CHST9: variants seen among roughly 807,000 people sequenced by gnomAD.
CHST9 encodes the protein carbohydrate sulfotransferase 9, also known as GalNAc-4-sulfotransferase 2.
In CHST9, 41 loss-of-function variants were observed where a neutral mutation model predicts 44.4. The observed-to-expected ratio is 0.92, with a 90% CI of 0.72 to 1.20. The LOEUF (loss-of-function observed/expected upper bound fraction) is 1.20, where lower values mean the gene tolerates loss of function less well. Ranked by LOEUF, CHST9 falls within the 50% of genes most tolerant of loss-of-function variation. The pLI is 0.00. For synonymous variants in CHST9, 171 were observed against 178.4 expected, an observed-to-expected ratio of 0.96 and a Z score of 0.33; for missense variants, 504 against 516.5, an observed-to-expected ratio of 0.98 and a Z score of 0.23.
intron 4 of CHST9, among the ~76,000 whole-genome samples, chr18:26,957,324 A>G (rs1285065368): frequency 1.3e-5 from 2 of 152,158 alleles, no homozygotes; most frequent in African/African-American, 2.4e-5. Flanking sequence ...CTAGAAAATG[A>G]GTTTTATGGA....
intron 2 of CHST9, among the ~76,000 whole-genome samples, chr18:27,100,514 A>C (rs1465748537): frequency 6.6e-6 from 1 of 152,230 alleles, no homozygotes. Context: ...TGGGTATGGA[A>C]TAGTTAGGGA....
chr18:26,917,033 G>A lies in CHST9; in HGVS notation c.558C>T (p.Cys186=), dbSNP rs1341504100. The stretch of plus-strand genomic sequence containing the variant: ...GATGACTCACCCCACCGTATTTCTT[G>A]CAAAACTCCTGAAGGAAAGACCTTC... The part of the protein sequence containing the change: ...EKRRSFLQEF[C]KKYGGVSHHQ... Residue 186 remains cysteine, a synonymous_variant, in exon 6 of 6, where the codon TGC becomes TGT. Transcript: ENST00000618847. 5 of 1,613,918 alleles carry A rather than the reference G, an allele frequency of 3.1e-6. No individual in the cohort carries two copies. Among genetic ancestry groups the A allele is most frequent in the Non-Finnish European group, 4.2e-6 (5 of 1,179,880 alleles).
At chr18:27,170,870 G>A (rs1337353394) in intron 1 of CHST9, among the ~76,000 whole-genome samples, 1 of 152,168 alleles carries the variant, frequency 6.6e-6, no homozygotes, top group Non-Finnish European at 1.5e-5. Context: ...AGTCCCAAAA[G>A]GCTGTCCAGC....
chr18:27,176,901 C>G (rs2143971075), intron 1 of CHST9, among the ~76,000 whole-genome samples: 1 of 152,140 alleles, frequency 6.6e-6, no homozygotes, highest in South Asian at 2.1e-4. Context: ...CTTTGCTAGA[C>G]TTTTAGCAAG....
At position 26,991,780 on chromosome 18, in the gene CHST9, G is replaced by A. The variant is rs74625580; in HGVS notation, c.202+32336C>T. ...TGTTTCTGACAGGTCTGATGAAGAC[G>A]AGGACTAAGACCTGACCACTGGATC... On this transcript the variant is annotated intron_variant, in intron 4 of 5. Coordinates refer to ENST00000618847, the MANE Select transcript of CHST9 (RefSeq NM_031422.6). Among the ~76,000 whole-genome samples, 389 of 127,238 alleles carry A rather than the reference G, an allele frequency of 3.1e-3. 116 individuals carry two copies. In the Admixed American group the frequency reaches 0.032, roughly 10 times the overall value. The allele number at this position is 127,238 out of a possible 152,430, so 83.5% of individuals were successfully genotyped here.
chr18:26,917,005 G>T lies in CHST9; in HGVS notation c.586C>A (p.Gln196Lys). ...CKKYGGVSHH[Q>K]SHLFHTVSRI... ...GATACTGTATGAAAAAGATGTGACT[G>T]ATGATGACTCACCCCACCGTATTTC... The change falls in exon 6 of 6, where the codon CAG (glutamine) becomes AAG (lysine). Residue 196 changes from glutamine to lysine, a missense_variant. By Grantham distance (53) the Gln-to-Lys change is moderately conservative. Transcript: ENST00000618847. 1 of 1,613,910 alleles carries T rather than the reference G, an allele frequency of 6.2e-7. No homozygotes were observed. The highest frequency in any genetic ancestry group is 8.5e-7 in the Non-Finnish European group (1 of 1,179,870).
intron 4 of CHST9, among the ~76,000 whole-genome samples, chr18:26,954,170 A>G (rs995521522): frequency 6.6e-6 from 1 of 152,156 alleles, no homozygotes; most frequent in African/African-American, 2.4e-5. Context: ...GTCATTCAGC[A>G]GACTGGGGCC....
intron 2 of CHST9, among the ~76,000 whole-genome samples, chr18:27,097,880 A>G (rs1316780119): frequency 3.3e-5 from 5 of 152,136 alleles, no homozygotes; most frequent in African/African-American, 1.2e-4. Context: ...TTTGTCAAAA[A>G]TCAGATGACT....
chr18:26,948,684 G>A (rs540714539), intron 4 of CHST9, among the ~76,000 whole-genome samples: 14 of 152,244 alleles, frequency 9.2e-5, no homozygotes, highest in Admixed American at 7.2e-4. Context: ...TTTGAACTGG[G>A]GCTAGTTACT....
At chr18:27,057,129 T>C (rs1468981387) in intron 2 of CHST9, among the ~76,000 whole-genome samples, 1 of 152,214 alleles carries the variant, frequency 6.6e-6, no homozygotes, top group Non-Finnish European at 1.5e-5. Context: ...CCAGAACTTG[T>C]TCTCTTCCAC....
intron 4 of CHST9, among the ~76,000 whole-genome samples, chr18:26,968,278 AG>A (rs530581257): frequency 2.6e-4 from 40 of 152,280 alleles, no homozygotes; most frequent in African/African-American, 9.4e-4. Context: ...ATATTATATA[AG>A]TAATATATAT....
At chr18:27,159,620 A>G (rs538584210) in intron 1 of CHST9, among the ~76,000 whole-genome samples, 2 of 152,260 alleles carry the variant, frequency 1.3e-5, no homozygotes, top group South Asian at 4.1e-4. Context: ...ATGAACTTTA[A>G]AGCAGTTTTT....
chr18:26,951,198 A>G (rs1432989666), intron 4 of CHST9, among the ~76,000 whole-genome samples: 1 of 152,212 alleles, frequency 6.6e-6, no homozygotes, highest in Non-Finnish European at 1.5e-5. Context: ...CTAACCCACT[A>G]TCATCAACAT....
At chr18:26,957,566 CAA>C (rs200839830) in intron 4 of CHST9, among the ~76,000 whole-genome samples, 29 of 141,702 alleles carry the variant, frequency 2.0e-4, no homozygotes, top group Non-Finnish European at 1.8e-4. Context: ...AACTACACTG[CAA>C]AAAAAAAAAA....
At chr18:26,934,410 A>G in intron 5 of CHST9, 1 of 151,546 alleles carries the variant, frequency 6.6e-6, no homozygotes, top group Non-Finnish European at 1.5e-5. Flanking sequence ...AATTTTTTGT[A>G]TTTTTAGTAG....
chr18:27,099,250 G>A (rs1045018527), intron 2 of CHST9, among the ~76,000 whole-genome samples: 4 of 152,012 alleles, frequency 2.6e-5, no homozygotes, highest in Non-Finnish European at 5.9e-5. Context: ...AGAAAACTGA[G>A]GAAACATCAT....
chr18:26,991,356 T>A (rs183459231), intron 4 of CHST9, among the ~76,000 whole-genome samples: 33 of 152,098 alleles, frequency 2.2e-4, no homozygotes, highest in Middle Eastern at 3.2e-3. Flanking sequence ...CAACTGTAAG[T>A]AAGAATGAAG....
At chr18:27,110,358 G>T (rs1314397923) in intron 2 of CHST9, among the ~76,000 whole-genome samples, 1 of 151,484 alleles carries the variant, frequency 6.6e-6, no homozygotes, top group Non-Finnish European at 1.5e-5. Flanking sequence ...TGACATTTCT[G>T]TATTAATCAG....
At chr18:27,000,678 A>G (rs1010696334) in intron 4 of CHST9, among the ~76,000 whole-genome samples, 2 of 147,496 alleles carry the variant, frequency 1.4e-5, no homozygotes, top group Admixed American at 6.7e-5. Context: ...CTATTATTCT[A>G]TCTATCCAAC....
Sources: allele counts gnomAD v4.1 joint callset (sites outside exome capture counted in the v4.1 genomes callset), GRCh38; gene constraint gnomAD v4.1.1; transcripts MANE v1.5; gene names NCBI Gene and HGNC (gene_info 2026-07-23, HGNC 2026-07-21).